Variants in FHOD3 observed in about 807,000 individuals in gnomAD.
FHOD3 encodes formin homology 2 domain containing 3.
Under a neutral mutation model 173.0 loss-of-function variants are expected in FHOD3, and 90 were observed. The observed-to-expected ratio is 0.52, with a 90% CI of 0.44 to 0.62. The LOEUF (loss-of-function observed/expected upper bound fraction) is 0.62, where lower values mean the gene tolerates loss of function less well. Among genes scored for constraint, FHOD3 ranks in the 20% least tolerant of loss-of-function variants. The pLI is 0.00. For missense variants in FHOD3, 1,945 were observed against 2,034.7 expected (o/e 0.96, Z 0.85); for synonymous variants, 828 against 823.0 (o/e 1.01, Z -0.10).
In FHOD3 at chr18:36,693,321, C is replaced by G. The variant is rs377593658; in HGVS notation, c.2134C>G (p.Pro712Ala). ...LSLDLTSPAA[P>A]ACLAPLSHSP... ...CTTGGACCTGACCTCGCCAGCAGCCCCAGCCTGCCTGGCTCCTCTGAGCCA... is the reference window on the plus strand; with the variant it reads ...CTTGGACCTGACCTCGCCAGCAGCCGCAGCCTGCCTGGCTCCTCTGAGCCA... The change falls in exon 17 of 29, where the codon CCA becomes GCA. Residue 712 changes from proline (P) to alanine (A), a missense_variant. This residue lies in a region of FHOD3 where 1,099 missense variants were observed against 1,051.2 expected (regional missense o/e 1.05). Transcript: ENST00000590592. 5 of 1,613,768 alleles carry G rather than the reference C, an allele frequency of 3.1e-6. No individual in the cohort carries two copies. Among genetic ancestry groups the G allele is most frequent in the Non-Finnish European group, 4.2e-6 (5 of 1,179,840 alleles).
At chr18:36,777,949 G>A (rs2043808199) in intron 28 of FHOD3, 2 of 152,180 alleles carry the variant, frequency 1.3e-5, no homozygotes, top group African/African-American at 2.4e-5. Flanking sequence ...TGATGTCTGT[G>A]TTTTGATTCT....
At chr18:36,645,132 ACTATGC>A (rs1349576869) in intron 10 of FHOD3, among the ~76,000 whole-genome samples, 1 of 151,174 alleles carries the variant, frequency 6.6e-6, no homozygotes, top group East Asian at 1.9e-4. Context: ...ATGAGGGTAT[ACTATGC>A]CAAGCTCAGA....
In FHOD3 at chr18:36,755,312, G is replaced by C. The variant is rs763978948; in HGVS notation, c.4425+1G>C. The C allele has an allele frequency of 6.6e-7, 1 of 1,505,964 alleles. No individual in the cohort carries two copies. The highest frequency in any genetic ancestry group is 1.8e-5 in the Admixed American group (1 of 54,074). The allele number at this position is 1,505,964 out of a possible 1,614,324, so 93.3% of individuals were successfully genotyped here. ...GACCAGAGGGAAGATGATCACCGAT[G>C]TAAGTTTCACACAATCCCTCTCCTT... On this transcript the variant is annotated splice_donor_variant, in intron 25 of 28. Transcript: ENST00000590592. LOFTEE classifies it high-confidence loss of function.
chr18:36,365,809 G>A (rs1203846725), intron 2 of FHOD3, among the ~76,000 whole-genome samples: 3 of 152,166 alleles, frequency 2.0e-5, no homozygotes, highest in African/African-American at 7.2e-5. Context: ...TAGCTGAGCG[G>A]AAGTTGACTG....
At chr18:36,543,270 T>C (rs1045573559) in intron 5 of FHOD3, among the ~76,000 whole-genome samples, 3 of 152,172 alleles carry the variant, frequency 2.0e-5, no homozygotes, top group Admixed American at 2.0e-4. Flanking sequence ...ATTATATGTA[T>C]GTCAATATAC....
chr18:36,357,759 T>C (rs1000557535), intron 2 of FHOD3, among the ~76,000 whole-genome samples: 1 of 152,210 alleles, frequency 6.6e-6, no homozygotes, highest in African/African-American at 2.4e-5. Flanking sequence ...GATGACTTCA[T>C]GGCTCATTGA....
chr18:36,371,946 G>C (rs997322175), intron 2 of FHOD3, among the ~76,000 whole-genome samples: 1 of 151,986 alleles, frequency 6.6e-6, no homozygotes, highest in African/African-American at 2.4e-5. Context: ...TGTTCCTGTT[G>C]GGTAGCCAGG....
intron 20 of FHOD3, among the ~76,000 whole-genome samples, chr18:36,740,010 T>C (rs545846039): frequency 2.3e-4 from 35 of 152,310 alleles, no homozygotes; most frequent in African/African-American, 8.4e-4. Flanking sequence ...CATGAGAATT[T>C]TTACTTTAAA....
At chr18:36,572,331 T>A (rs894050377) in intron 5 of FHOD3, among the ~76,000 whole-genome samples, 1 of 152,200 alleles carries the variant, frequency 6.6e-6, no homozygotes, top group Non-Finnish European at 1.5e-5. Context: ...TCAGGGCATC[T>A]GTTTTGTTCT....
At chr18:36,511,089 C>T (rs2055613324) in intron 4 of FHOD3, among the ~76,000 whole-genome samples, 1 of 152,222 alleles carries the variant, frequency 6.6e-6, no homozygotes, top group African/African-American at 2.4e-5. Context: ...GCCATGGTTG[C>T]TGACTTTTCC....
At position 36,742,767 on chromosome 18, in the gene FHOD3, G is replaced by A. The variant is rs774256377; in HGVS notation, c.3790G>A (p.Glu1264Lys). 6.2e-7 allele frequency: 1 copy of A among 1,613,924 alleles called. No individual in the cohort carries two copies. Among genetic ancestry groups the A allele is most frequent in the Non-Finnish European group, 8.5e-7 (1 of 1,179,916 alleles). Residue 1264 changes from glutamate (E) to lysine (K), a missense_variant, in exon 22 of 29, where the codon GAA becomes AAA. Glu to Lys is a moderately conservative substitution (Grantham distance 56, BLOSUM62 1). Coordinates refer to ENST00000590592, the MANE Select transcript of FHOD3 (RefSeq NM_001281740.3). ...AGCAGAACCACTCCTGGACCTGAAG[G>A]AAGGAATAGACCAGTTGGAGAACAA... ...EVAEPLLDLK[E>K]GIDQLENNKT... is the part of the protein sequence containing the mutation.
intron 6 of FHOD3, among the ~76,000 whole-genome samples, chr18:36,585,763 G>A (rs1478558750): frequency 6.6e-6 from 1 of 152,230 alleles, no homozygotes; most frequent in Non-Finnish European, 1.5e-5. Flanking sequence ...TTCTGCCCCT[G>A]TAGCCCAGGG....
intron 1 of FHOD3, among the ~76,000 whole-genome samples, chr18:36,349,523 ATTAGT>A (rs376318283): frequency 2.0e-5 from 3 of 152,288 alleles, no homozygotes; most frequent in African/African-American, 7.2e-5. Flanking sequence ...TATAACCAAA[ATTAGT>A]TTAAAGAGTA....
chr18:36,777,183 C>T (rs1024221893), intron 28 of FHOD3, among the ~76,000 whole-genome samples: 76 of 146,720 alleles, frequency 5.2e-4, no homozygotes, highest in African/African-American at 1.8e-3. Flanking sequence ...GCATGAACTA[C>T]TTCTTCTTCT....
intron 3 of FHOD3, among the ~76,000 whole-genome samples, chr18:36,463,276 G>A (rs1184720973): frequency 9.3e-6 from 1 of 107,424 alleles, no homozygotes; most frequent in Non-Finnish European, 2.1e-5. Flanking sequence ...TGTAGGCTGT[G>A]ACAAGCATTT....
At chr18:36,694,007 C>T (rs1371005383) in intron 17 of FHOD3, among the ~76,000 whole-genome samples, 2 of 152,176 alleles carry the variant, frequency 1.3e-5, no homozygotes, top group Non-Finnish European at 1.5e-5. Context: ...ATTCTGTCTT[C>T]TTCACTTTAT....
chr18:36,529,998 C>T (rs2056713219), intron 5 of FHOD3, among the ~76,000 whole-genome samples: 1 of 150,638 alleles, frequency 6.6e-6, no homozygotes, highest in Non-Finnish European at 1.5e-5. Flanking sequence ...GAGGGACCAG[C>T]CTTCCAAGGT....
At chr18:36,646,234 T>A (rs2035671367) in intron 10 of FHOD3, among the ~76,000 whole-genome samples, 1 of 150,150 alleles carries the variant, frequency 6.7e-6, no homozygotes, top group Non-Finnish European at 1.5e-5. Context: ...ACAAAAAGTT[T>A]ATTTCTATAT....
intron 1 of FHOD3, among the ~76,000 whole-genome samples, chr18:36,307,357 A>T (rs1485380161): frequency 6.6e-6 from 1 of 152,106 alleles, no homozygotes; most frequent in Non-Finnish European, 1.5e-5. Context: ...GGCCCTTGAA[A>T]ATTAATTGGT....
Sources: allele counts gnomAD v4.1 joint callset (sites outside exome capture counted in the v4.1 genomes callset), GRCh38; gene constraint gnomAD v4.1.1; regional missense constraint gnomAD v4.1.1; transcripts MANE v1.5; gene names NCBI Gene and HGNC (gene_info 2026-07-23, HGNC 2026-07-21).